The following RERE variants were observed in gnomAD, a reference collection of about 807,000 sequenced individuals.
RERE encodes the protein arginine-glutamic acid dipeptide repeats protein.
Under a neutral mutation model 146.1 loss-of-function variants are expected in RERE, and 40 were observed. That is an observed-to-expected ratio of 0.27 (90% CI 0.21 to 0.36). RERE has a LOEUF of 0.36. Among genes scored for constraint, RERE ranks in the 10% least tolerant of loss-of-function variants. The probability of loss-of-function intolerance (pLI) is 1.00; values close to 1 mark genes in which losing one functional copy is unlikely to be tolerated. For synonymous variants in RERE, 1,003 were observed against 866.0 expected (o/e 1.16, Z -2.78); for missense variants, 1,933 against 2,138.7 (o/e 0.90, Z 1.90).
At chr1:8,533,703 G>A (rs2124374897) in intron 7 of RERE, among the ~76,000 whole-genome samples, 1 of 152,304 alleles carries the variant, frequency 6.6e-6, no homozygotes, top group South Asian at 2.1e-4. Flanking sequence ...GCCTCACCAT[G>A]AGCTACTGAA....
intron 1 of RERE, among the ~76,000 whole-genome samples, chr1:8,773,230 A>G (rs969538686): frequency 1.3e-5 from 2 of 152,234 alleles, no homozygotes; most frequent in African/African-American, 4.8e-5. Flanking sequence ...TGTTACTATT[A>G]TTTGTCATCT....
chr1:8,673,850 G>A (rs1638776039), intron 1 of RERE, among the ~76,000 whole-genome samples: 1 of 152,028 alleles, frequency 6.6e-6, no homozygotes, highest in African/African-American at 2.4e-5. Context: ...TGAGATCATG[G>A]CCAAATCCCA....
At chr1:8,447,594 C>T (rs1056377672) in intron 11 of RERE, among the ~76,000 whole-genome samples, 2 of 152,212 alleles carry the variant, frequency 1.3e-5, no homozygotes, top group Non-Finnish European at 2.9e-5. Flanking sequence ...AGGTCCACTT[C>T]AGAACCTGTT....
chr1:8,496,207 T>G (rs1645043600), intron 9 of RERE, among the ~76,000 whole-genome samples: 1 of 147,510 alleles, frequency 6.8e-6, no homozygotes. Context: ...AGTCATTCAC[T>G]CCACTTACAC....
At chr1:8,389,384 C>T (rs1461586843) in intron 12 of RERE, among the ~76,000 whole-genome samples, 3 of 152,168 alleles carry the variant, frequency 2.0e-5, no homozygotes, top group African/African-American at 4.8e-5. Flanking sequence ...GTGACGTCAA[C>T]GCCTTGTTCT....
At chr1:8,515,384 G>A (rs955848756) in intron 7 of RERE, among the ~76,000 whole-genome samples, 5 of 151,576 alleles carry the variant, frequency 3.3e-5, no homozygotes, top group East Asian at 1.9e-4. Flanking sequence ...CAGGCCGGGC[G>A]TGGTGGCTCA....
intron 7 of RERE, among the ~76,000 whole-genome samples, chr1:8,518,304 G>A (rs974514370): frequency 4.8e-4 from 73 of 152,146 alleles, no homozygotes; most frequent in African/African-American, 1.5e-3. Flanking sequence ...CGTGTAGCCT[G>A]TGGCCCATTC....
chr1:8,501,707 G>C (rs1273941122), intron 8 of RERE, among the ~76,000 whole-genome samples: 1 of 96,872 alleles, frequency 1.0e-5, no homozygotes, highest in Admixed American at 9.6e-5. Flanking sequence ...GTCCGGGAGG[G>C]AGGTGGGGGG....
intron 1 of RERE, among the ~76,000 whole-genome samples, chr1:8,794,966 T>C (rs1274576607): frequency 6.6e-6 from 1 of 151,884 alleles, no homozygotes; most frequent in Non-Finnish European, 1.5e-5. Flanking sequence ...GAATGCACCA[T>C]CACGCCCAGC....
chr1:8,582,366 C>T (rs1024329390), intron 4 of RERE, among the ~76,000 whole-genome samples: 7 of 151,074 alleles, frequency 4.6e-5, no homozygotes, highest in Middle Eastern at 3.4e-3. Flanking sequence ...GTGTGTATCA[C>T]TGTGCCTGCT....
intron 10 of RERE, among the ~76,000 whole-genome samples, chr1:8,482,421 C>G (rs1644847012): frequency 6.6e-6 from 1 of 152,056 alleles, no homozygotes; most frequent in Admixed American, 6.5e-5. Flanking sequence ...GTGGTTCATG[C>G]CTGTAATCCC....
intron 4 of RERE, among the ~76,000 whole-genome samples, chr1:8,567,912 C>T (rs534863981): frequency 6.6e-6 from 1 of 152,236 alleles, no homozygotes; most frequent in Admixed American, 6.5e-5. Flanking sequence ...TCTGTAGCTC[C>T]CCAAAAGTAT....
chr1:8,635,947 T>TTTATC (rs779134387), intron 2 of RERE, among the ~76,000 whole-genome samples: 1,621 of 108,380 alleles, frequency 0.015, 27 homozygotes, highest in Middle Eastern at 0.073. Context: ...ATTATTTTAT[T>TTTATC]TTATCTTATC....
rs12047953 is a variant in RERE, at chr1:8,358,860, A to G, written c.3675T>C (p.Pro1225=). 3,135 of 1,592,806 alleles carry G rather than the reference A, an allele frequency of 2.0e-3. 88 individuals carry two copies. The East Asian group carries it at 0.058, about 29-fold the overall frequency. ...GCTCGAAGGATGGCCGCATGTGGCC[A>G]GGACCACTGAGCTGTGGGTCACTGA... ...GRLSDPQLSG[P]GHMRPSFEPP... Residue 1225 remains proline (P), a synonymous_variant, in exon 20 of 23, where the codon CCT becomes CCC. Coordinates refer to ENST00000400908, the MANE Select transcript of RERE (RefSeq NM_001042681.2).
At chr1:8,805,630 T>C (rs2124598036) in intron 1 of RERE, among the ~76,000 whole-genome samples, 1 of 132,848 alleles carries the variant, frequency 7.5e-6, no homozygotes, top group Middle Eastern at 5.2e-3. Flanking sequence ...CCCTGGGCGA[T>C]AAGAGTGAGA....
At chr1:8,711,157 CAAAAAAAAAAAAAAAAAAAA>C (rs57814312) in intron 1 of RERE, among the ~76,000 whole-genome samples, 5 of 68,266 alleles carry the variant, frequency 7.3e-5, no homozygotes, top group African/African-American at 1.2e-4. Context: ...ACTCTGTCTC[CAAAAAAAAAAAAAAAAAAAA>C]AAAAAAAAAA....
chr1:8,728,513 A>G (rs577874651), intron 1 of RERE, among the ~76,000 whole-genome samples: 7 of 152,160 alleles, frequency 4.6e-5, no homozygotes, highest in African/African-American at 1.7e-4. Context: ...AAAAGTCTAT[A>G]TTCTTTTTAG....
chr1:8,489,480 A>G (rs1045038236), intron 10 of RERE, among the ~76,000 whole-genome samples: 2 of 152,190 alleles, frequency 1.3e-5, no homozygotes, highest in Non-Finnish European at 2.9e-5. Flanking sequence ...AACAATCCTT[A>G]TAACTAAATT....
At chr1:8,668,804 G>A (rs1433042936) in intron 1 of RERE, among the ~76,000 whole-genome samples, 2 of 152,144 alleles carry the variant, frequency 1.3e-5, no homozygotes, top group African/African-American at 4.8e-5. Flanking sequence ...AGGGTTGCAA[G>A]GGTAAATACA....
Sources: allele counts gnomAD v4.1 joint callset (sites outside exome capture counted in the v4.1 genomes callset), GRCh38; gene constraint gnomAD v4.1.1; transcripts MANE v1.5; gene names NCBI Gene and HGNC (gene_info 2026-07-23, HGNC 2026-07-21).